The following CA10 variants were observed in gnomAD, a reference collection of about 807,000 sequenced individuals.
The protein encoded by CA10 is carbonic anhydrase 10 (inactive), also known as carbonic anhydrase-related protein 10.
Under a neutral mutation model 44.2 loss-of-function variants are expected in CA10, and 14 were observed. The ratio of observed to expected loss-of-function variants is 0.32; its 90% CI spans 0.21 to 0.50. CA10 has a LOEUF of 0.50. Ranked by LOEUF, CA10 falls within the 20% of genes least tolerant of loss-of-function variation. The probability of loss-of-function intolerance (pLI) is 0.99; values close to 1 mark genes in which losing one functional copy is unlikely to be tolerated. For synonymous variants in CA10, 159 were observed against 141.6 expected, an observed-to-expected ratio of 1.12 and a Z score of -0.87; for missense variants, 350 against 409.7, an observed-to-expected ratio of 0.85 and a Z score of 1.26.
At chr17:51,640,450 C>T (rs750357749) in intron 6 of CA10, among the ~76,000 whole-genome samples, 1 of 152,150 alleles carries the variant, frequency 6.6e-6, no homozygotes, top group Non-Finnish European at 1.5e-5. Flanking sequence ...ACCATGTTTC[C>T]ATACCAAAGA....
At chr17:51,971,190 G>A (rs550878540) in intron 2 of CA10, among the ~76,000 whole-genome samples, 1 of 151,928 alleles carries the variant, frequency 6.6e-6, no homozygotes. Context: ...TTTCCATGAG[G>A]AGTGCCTAGA....
intron 3 of CA10, among the ~76,000 whole-genome samples, chr17:51,834,945 C>T (rs1204291219): frequency 2.6e-5 from 4 of 152,114 alleles, no homozygotes; most frequent in African/African-American, 4.8e-5. Flanking sequence ...TGACAGACAA[C>T]GGTTCCCAGG....
intron 2 of CA10, among the ~76,000 whole-genome samples, chr17:52,014,470 T>G (rs1289557393): frequency 6.6e-6 from 1 of 151,956 alleles, no homozygotes; most frequent in African/African-American, 2.4e-5. Context: ...AATTCAAGAA[T>G]TTCATACAGA....
At chr17:51,883,298 C>T (rs368721236) in intron 3 of CA10, among the ~76,000 whole-genome samples, 47 of 152,182 alleles carry the variant, frequency 3.1e-4, no homozygotes, top group African/African-American at 1.1e-3. Flanking sequence ...TCTGTGTATA[C>T]TCAATGTTCT....
At chr17:51,877,485 A>G (rs1275244863) in intron 3 of CA10, among the ~76,000 whole-genome samples, 1 of 152,196 alleles carries the variant, frequency 6.6e-6, no homozygotes, top group Non-Finnish European at 1.5e-5. Flanking sequence ...ACCATCCCGC[A>G]TCATGATGAT....
chr17:51,934,260 G>C (rs1250172234), intron 2 of CA10, among the ~76,000 whole-genome samples: 1 of 152,062 alleles, frequency 6.6e-6, no homozygotes, highest in African/African-American at 2.4e-5. Context: ...TAGAGGCAGG[G>C]AGTAAAGTCC....
intron 3 of CA10, among the ~76,000 whole-genome samples, chr17:51,817,922 C>T (rs1030742409): frequency 1.3e-5 from 2 of 152,236 alleles, no homozygotes; most frequent in African/African-American, 4.8e-5. Flanking sequence ...AGTGGCAGAG[C>T]TGGAATTGTA....
chr17:51,669,762 C>T (rs563101979), intron 4 of CA10, among the ~76,000 whole-genome samples: 1 of 152,320 alleles, frequency 6.6e-6, no homozygotes, highest in Non-Finnish European at 1.5e-5. Flanking sequence ...ACTCTGGACA[C>T]CCCATCTTTG....
intron 3 of CA10, among the ~76,000 whole-genome samples, chr17:51,887,210 T>G (rs888726273): frequency 6.7e-6 from 1 of 149,230 alleles, no homozygotes; most frequent in Non-Finnish European, 1.5e-5. Flanking sequence ...AACCCACAAG[T>G]CTTTGTATAG....
intron 4 of CA10, among the ~76,000 whole-genome samples, chr17:51,715,935 C>T (rs1916098434): frequency 6.6e-6 from 1 of 152,170 alleles, no homozygotes; most frequent in South Asian, 2.1e-4. Flanking sequence ...GGTGATCCGC[C>T]CACCTCGGCC....
At chr17:51,671,696 G>T (rs760183669) in intron 4 of CA10, among the ~76,000 whole-genome samples, 30 of 152,104 alleles carry the variant, frequency 2.0e-4, no homozygotes, top group Admixed American at 2.0e-3. Flanking sequence ...GAGCCACCAC[G>T]CCCGGCCACA....
Position 51,688,438 on chromosome 17 carries a change from C to T in CA10, c.466-34702G>A, listed in dbSNP as rs556170654. ...CATTGCTGTAATCTTTTTTGAATTACGGTTTGCACGACTGGCTAGTTTAAC... is the reference window on the plus strand; with the variant it reads ...CATTGCTGTAATCTTTTTTGAATTATGGTTTGCACGACTGGCTAGTTTAAC... On this transcript the variant is annotated intron_variant, in intron 4 of 8. Coordinates refer to ENST00000451037, the MANE Select transcript of CA10 (RefSeq NM_020178.5). Among the ~76,000 whole-genome samples the T allele has an allele frequency of 2.0e-5, 3 of 152,290 alleles. No individual in the cohort carries two copies. The East Asian group carries it at 5.8e-4, about 29-fold the overall frequency.
chr17:52,000,495 C>T (rs958055736), intron 2 of CA10, among the ~76,000 whole-genome samples: 2 of 152,028 alleles, frequency 1.3e-5, no homozygotes, highest in African/African-American at 2.4e-5. Context: ...AATTACTATG[C>T]TTTACTTTTG....
chr17:51,925,821 G>T (rs888459901), intron 3 of CA10, among the ~76,000 whole-genome samples: 37 of 152,148 alleles, frequency 2.4e-4, no homozygotes, highest in African/African-American at 8.7e-4. Flanking sequence ...TATGCTCAGT[G>T]AAATAAGCCA....
chr17:51,822,586 T>C (rs1010079316), intron 3 of CA10, among the ~76,000 whole-genome samples: 15 of 152,182 alleles, frequency 9.9e-5, no homozygotes, highest in African/African-American at 3.4e-4. Context: ...TGTCCTTCAC[T>C]CCATTAGAAT....
chr17:51,697,542 C>A (rs908011485), intron 4 of CA10, among the ~76,000 whole-genome samples: 2 of 152,148 alleles, frequency 1.3e-5, no homozygotes, highest in Non-Finnish European at 2.9e-5. Context: ...CTCTCAAGAC[C>A]CTTTGCTTTG....
intron 3 of CA10, among the ~76,000 whole-genome samples, chr17:51,848,233 C>G (rs1978586693): frequency 6.6e-6 from 1 of 152,194 alleles, no homozygotes; most frequent in African/African-American, 2.4e-5. Flanking sequence ...TGGTCTTAGT[C>G]CATTCAGATT....
chr17:52,031,460 C>G (rs528029967), intron 2 of CA10, among the ~76,000 whole-genome samples: 3 of 152,142 alleles, frequency 2.0e-5, no homozygotes, highest in African/African-American at 7.2e-5. Flanking sequence ...GTGACTCCAA[C>G]TCTCCAACGG....
At chr17:52,006,676 T>C (rs1985610442) in intron 2 of CA10, among the ~76,000 whole-genome samples, 1 of 151,906 alleles carries the variant, frequency 6.6e-6, no homozygotes, top group Non-Finnish European at 1.5e-5. Flanking sequence ...ATAGTATTTA[T>C]GCTGCAATTT....
Sources: allele counts gnomAD v4.1 joint callset (sites outside exome capture counted in the v4.1 genomes callset), GRCh38; gene constraint gnomAD v4.1.1; transcripts MANE v1.5; gene names NCBI Gene and HGNC (gene_info 2026-07-23, HGNC 2026-07-21).